SMG6: variants seen among roughly 807,000 people sequenced by gnomAD.
SMG6 encodes SMG6 nonsense mediated mRNA decay factor, also known as telomerase-binding protein EST1A.
SMG6 carries 66 observed loss-of-function variants against 142.2 expected under a neutral mutation model. That is an observed-to-expected ratio of 0.46 (90% CI 0.38 to 0.57). The LOEUF is 0.57. Among genes scored for constraint, SMG6 ranks in the 20% least tolerant of loss-of-function variants. The pLI is 0.00. For synonymous variants in SMG6, 779 were observed against 702.4 expected, an observed-to-expected ratio of 1.11 and a Z score of -1.72; for missense variants, 1,793 against 1,832.0, an observed-to-expected ratio of 0.98 and a Z score of 0.39.
chr17:2,276,561 T>C (rs191631802), intron 8 of SMG6, among the ~76,000 whole-genome samples: 107 of 152,044 alleles, frequency 7.0e-4, no homozygotes, highest in African/African-American at 2.4e-3. Flanking sequence ...ATTTTTTGTG[T>C]TTTTAGTAGA....
chr17:2,141,830 G>C (rs901477957), intron 13 of SMG6, among the ~76,000 whole-genome samples: 4 of 152,166 alleles, frequency 2.6e-5, no homozygotes, highest in African/African-American at 9.7e-5. Flanking sequence ...AAAACTGGAG[G>C]ACTATTTTTT....
chr17:2,171,651 G>C (rs1438904909), intron 13 of SMG6, among the ~76,000 whole-genome samples: 2 of 151,954 alleles, frequency 1.3e-5, no homozygotes, highest in Non-Finnish European at 2.9e-5. Flanking sequence ...TGGGATTAAA[G>C]GTGTGAGCCA....
At chr17:2,122,288 G>A (rs1311001602) in intron 13 of SMG6, 1 of 152,088 alleles carries the variant, frequency 6.6e-6, no homozygotes, top group East Asian at 1.9e-4. Context: ...CAACTTTGCT[G>A]TATAATAAAA....
At chr17:2,169,649 G>A (rs1489202888) in intron 13 of SMG6, among the ~76,000 whole-genome samples, 4 of 152,152 alleles carry the variant, frequency 2.6e-5, no homozygotes, top group African/African-American at 9.7e-5. Context: ...ATGTCAATGT[G>A]ACTAGAGCAC....
intron 10 of SMG6, chr17:2,215,481 C>T (rs1434127702): frequency 6.6e-6 from 1 of 152,136 alleles, no homozygotes; most frequent in Non-Finnish European, 1.5e-5. Context: ...TACCTAAAAA[C>T]TCATGGAGAG....
intron 8 of SMG6, among the ~76,000 whole-genome samples, chr17:2,277,813 G>C (rs1175698598): frequency 6.6e-6 from 1 of 152,202 alleles, no homozygotes; most frequent in Non-Finnish European, 1.5e-5. Flanking sequence ...GTGAGGCAAA[G>C]GTGGGAGGAT....
intron 4 of SMG6, among the ~76,000 whole-genome samples, chr17:2,294,115 T>G (rs1370941813): frequency 6.6e-6 from 1 of 152,170 alleles, no homozygotes; most frequent in Non-Finnish European, 1.5e-5. Flanking sequence ...TACTGACCCC[T>G]CAGGAAGGCA....
intron 1 of SMG6, among the ~76,000 whole-genome samples, chr17:2,301,845 G>C (rs1015972456): frequency 6.6e-6 from 1 of 152,108 alleles, no homozygotes; most frequent in African/African-American, 2.4e-5. Flanking sequence ...TAAGTATCTG[G>C]TTTTTTAAAA....
In SMG6 at chr17:2,108,999, A is replaced by G. The variant is rs530535873; in HGVS notation, c.3358-23098T>C. Among the ~76,000 whole-genome samples the G allele has an allele frequency of 2.6e-5, 4 of 152,196 alleles. No individual in the cohort carries two copies. The South Asian group carries it at 8.3e-4, about 32-fold the overall frequency. On this transcript the variant is annotated intron_variant, in intron 13 of 18. Coordinates refer to ENST00000263073, the MANE Select transcript of SMG6 (RefSeq NM_017575.5). ...CTTACTAAAATCTTATGAAATAACT[A>G]ATGTCATCCCCATTTTTCAGAGAGT...
At chr17:2,123,267 G>A (rs1008699666) in intron 13 of SMG6, among the ~76,000 whole-genome samples, 1 of 152,222 alleles carries the variant, frequency 6.6e-6, no homozygotes, top group African/African-American at 2.4e-5. Context: ...TGCTGAGAGG[G>A]GAGGGGAGGA....
intron 12 of SMG6, among the ~76,000 whole-genome samples, chr17:2,178,321 A>T (rs550701273): frequency 6.6e-6 from 1 of 152,288 alleles, no homozygotes; most frequent in South Asian, 2.1e-4. Flanking sequence ...CCATTCCAGG[A>T]GTTAAGATAT....
intron 13 of SMG6, among the ~76,000 whole-genome samples, chr17:2,159,517 C>T (rs903327342): frequency 6.6e-6 from 1 of 152,084 alleles, no homozygotes; most frequent in Non-Finnish European, 1.5e-5. Context: ...CTATAAAGAT[C>T]AGAAATACCA....
chr17:2,221,836 C>T (rs1193257508), intron 10 of SMG6, among the ~76,000 whole-genome samples: 2 of 152,146 alleles, frequency 1.3e-5, no homozygotes, highest in Non-Finnish European at 2.9e-5. Flanking sequence ...CTCCACCTCC[C>T]GGGTTAACGC....
chr17:2,180,274 C>CTG (rs1391758749), intron 12 of SMG6, among the ~76,000 whole-genome samples: 1 of 152,206 alleles, frequency 6.6e-6, no homozygotes, highest in Non-Finnish European at 1.5e-5. Context: ...ACCAAGCAGT[C>CTG]TGTCCTAAAC....
At chr17:2,076,385 T>C (rs1460533549) in intron 15 of SMG6, among the ~76,000 whole-genome samples, 3 of 152,182 alleles carry the variant, frequency 2.0e-5, no homozygotes, top group Non-Finnish European at 4.4e-5. Context: ...TAGGAGCCTC[T>C]CCCCAACTCC....
In SMG6 at chr17:2,265,464, T is replaced by C. The variant is rs181924746; in HGVS notation, c.2661+17183A>G. On this transcript the variant is annotated intron_variant, in intron 8 of 18. Transcript: ENST00000263073. ...GGCGGAGGTTGCAGTGAGCTGAGAT[T>C]GCGCCACTGCACTCCAGCCTGGACA... 9.8e-3 allele frequency among the ~76,000 whole-genome samples: 1,490 copies of C among 151,486 alleles called. 27 individuals are homozygous for C. The highest frequency in any genetic ancestry group is 0.034 in the African/African-American group (1,403 of 41,284).
intron 8 of SMG6, among the ~76,000 whole-genome samples, chr17:2,257,811 A>G (rs2074218522): frequency 1.3e-5 from 2 of 151,518 alleles, no homozygotes; most frequent in East Asian, 3.9e-4. Flanking sequence ...CAAGAGCTCG[A>G]GACCAGCCTG....
chr17:2,199,508 T>G (rs2072444394), intron 10 of SMG6, among the ~76,000 whole-genome samples: 1 of 151,154 alleles, frequency 6.6e-6, no homozygotes, highest in Non-Finnish European at 1.5e-5. Flanking sequence ...GTCACTGCAC[T>G]CCAGCCTGGG....
chr17:2,282,784 T>TA lies in SMG6; in HGVS notation c.2523dup (p.Thr842TyrfsTer8). On this transcript the variant is annotated frameshift_variant, in exon 8 of 19. Transcript: ENST00000263073. LOFTEE classifies it high-confidence loss of function. ...GTGTCATCTCCAACATGCCGGAAAG[T>TA]AGACTTCTTTCCTTTCCGCCACTGG... The TA allele has an allele frequency of 1.2e-6, 2 of 1,614,208 alleles. No homozygotes were observed. Among genetic ancestry groups the TA allele is most frequent in the Non-Finnish European group, 1.7e-6 (2 of 1,180,036 alleles).
Sources: gnomAD v4.1 joint callset for allele counts (sites outside exome capture counted in the v4.1 genomes callset) on GRCh38, gnomAD v4.1.1 for gene constraint, MANE v1.5 for transcripts, NCBI Gene and HGNC (gene_info 2026-07-23, HGNC 2026-07-21) for gene names.